SGCZ: variants seen among roughly 807,000 people sequenced by gnomAD.
SGCZ encodes the protein sarcoglycan zeta.
SGCZ carries 40 observed loss-of-function variants against 41.3 expected under a neutral mutation model. The observed-to-expected ratio is 0.97, with a 90% CI of 0.75 to 1.26. The LOEUF (loss-of-function observed/expected upper bound fraction) is 1.26, where lower values mean the gene tolerates loss of function less well. Ranked by LOEUF, SGCZ falls within the 50% of genes most tolerant of loss-of-function variation. SGCZ has a pLI of 0.00. For synonymous variants in SGCZ, 206 were observed against 137.5 expected (o/e 1.50, Z -3.49); for missense variants, 552 against 369.8 (o/e 1.49, Z -4.04).
At chr8:14,490,222 G>A (rs1006708811) in intron 2 of SGCZ, among the ~76,000 whole-genome samples, 4 of 152,018 alleles carry the variant, frequency 2.6e-5, no homozygotes, top group Non-Finnish European at 5.9e-5. Flanking sequence ...TACAATAATT[G>A]TATAAGATAA....
At chr8:14,523,400 C>G (rs1007324721) in intron 2 of SGCZ, among the ~76,000 whole-genome samples, 1 of 152,006 alleles carries the variant, frequency 6.6e-6, no homozygotes, top group South Asian at 2.1e-4. Context: ...TCTTAAATTT[C>G]TCTACATTCT....
At chr8:15,004,150 G>A (rs373947903) in intron 1 of SGCZ, among the ~76,000 whole-genome samples, 25 of 152,090 alleles carry the variant, frequency 1.6e-4, no homozygotes, top group African/African-American at 4.8e-4. Flanking sequence ...TGCAGTTAAC[G>A]TGCCAGAATG....
At chr8:14,747,827 C>T (rs1474415420) in intron 1 of SGCZ, among the ~76,000 whole-genome samples, 1 of 150,780 alleles carries the variant, frequency 6.6e-6, no homozygotes, top group Admixed American at 6.6e-5. Flanking sequence ...ATTCTCCTGC[C>T]TCAGTCTCCT....
At chr8:14,140,239 G>A (rs2116922893) in intron 5 of SGCZ, among the ~76,000 whole-genome samples, 1 of 152,270 alleles carries the variant, frequency 6.6e-6, no homozygotes, top group Non-Finnish European at 1.5e-5. Context: ...AAAACTGGAA[G>A]CATTCCCTTT....
intron 2 of SGCZ, among the ~76,000 whole-genome samples, chr8:14,397,694 G>A (rs553275301): frequency 2.2e-4 from 33 of 152,202 alleles, no homozygotes; most frequent in South Asian, 1.9e-3. Flanking sequence ...GATTCAATAT[G>A]AAGGGCAGGT....
intron 2 of SGCZ, among the ~76,000 whole-genome samples, chr8:14,423,568 C>T (rs1452189466): frequency 1.3e-5 from 2 of 152,116 alleles, no homozygotes; most frequent in Non-Finnish European, 2.9e-5. Context: ...AGGCATACAC[C>T]ACCATACCTG....
intron 2 of SGCZ, among the ~76,000 whole-genome samples, chr8:14,328,945 C>G (rs1207212880): frequency 6.6e-6 from 1 of 152,212 alleles, no homozygotes; most frequent in Non-Finnish European, 1.5e-5. Flanking sequence ...CTCTGGAGGA[C>G]ACAGCAACAC....
intron 1 of SGCZ, among the ~76,000 whole-genome samples, chr8:15,018,551 A>T (rs1803129478): frequency 1.3e-5 from 2 of 152,134 alleles, no homozygotes; most frequent in African/African-American, 4.8e-5. Context: ...CAGAGGGAAG[A>T]GCTGGTGCAA....
At chr8:15,210,452 C>T (rs555821458) in intron 1 of SGCZ, among the ~76,000 whole-genome samples, 1 of 151,028 alleles carries the variant, frequency 6.6e-6, no homozygotes, top group East Asian at 2.0e-4. Flanking sequence ...TATAACCCTA[C>T]TCCATAACAA....
At chr8:14,331,747 A>C (rs1214124557) in intron 2 of SGCZ, among the ~76,000 whole-genome samples, 1 of 151,978 alleles carries the variant, frequency 6.6e-6, no homozygotes, top group African/African-American at 2.4e-5. Context: ...TTATAAAAGA[A>C]AGTTTTTAAT....
intron 1 of SGCZ, among the ~76,000 whole-genome samples, chr8:14,882,274 G>A (rs1475981618): frequency 1.3e-5 from 2 of 152,060 alleles, no homozygotes; most frequent in African/African-American, 4.8e-5. Context: ...TTCCTTGAGG[G>A]AACCTTTGGG....
chr8:14,244,959 G>T (rs548634138), intron 3 of SGCZ, among the ~76,000 whole-genome samples: 1 of 152,110 alleles, frequency 6.6e-6, no homozygotes, highest in Admixed American at 6.5e-5. Context: ...CTGAGACTTT[G>T]CTGAAGTTGC....
At chr8:14,103,920 A>G (rs925812586) in intron 6 of SGCZ, among the ~76,000 whole-genome samples, 3 of 152,104 alleles carry the variant, frequency 2.0e-5, no homozygotes, top group African/African-American at 7.2e-5. Flanking sequence ...GTTAAAATGT[A>G]TTTTTTATCA....
chr8:14,557,804 T>C (rs1213751377), intron 1 of SGCZ, among the ~76,000 whole-genome samples: 1 of 151,270 alleles, frequency 6.6e-6, no homozygotes, highest in Non-Finnish European at 1.5e-5. Flanking sequence ...AGAAAGAAAA[T>C]AACCAAGATC....
chr8:14,807,660 G>A (rs1801587707), intron 1 of SGCZ, among the ~76,000 whole-genome samples: 1 of 151,642 alleles, frequency 6.6e-6, no homozygotes, highest in Admixed American at 6.6e-5. Context: ...ACTGCCCAAG[G>A]TAATTTACAG....
At chr8:14,660,865 G>A (rs1807725466) in intron 1 of SGCZ, among the ~76,000 whole-genome samples, 2 of 152,048 alleles carry the variant, frequency 1.3e-5, no homozygotes, top group African/African-American at 4.8e-5. Context: ...GTTCTAACTG[G>A]AAACTGAACT....
intron 1 of SGCZ, among the ~76,000 whole-genome samples, chr8:15,032,521 C>G (rs771517729): frequency 1.3e-5 from 2 of 152,104 alleles, no homozygotes; most frequent in Admixed American, 6.5e-5. Flanking sequence ...GACTTATGGA[C>G]TGAGCCCCCA....
chr8:14,140,138 C>T (rs1381932077), intron 5 of SGCZ, among the ~76,000 whole-genome samples: 1 of 152,174 alleles, frequency 6.6e-6, no homozygotes, highest in Non-Finnish European at 1.5e-5. Flanking sequence ...ATGCTAAAAA[C>T]TGTCAATAAA....
intron 2 of SGCZ, among the ~76,000 whole-genome samples, chr8:14,338,551 C>A (rs865948959): frequency 6.6e-6 from 1 of 152,114 alleles, no homozygotes; most frequent in Non-Finnish European, 1.5e-5. Flanking sequence ...TCTCTCTGCT[C>A]CATCCTGCTC....
Sources: gnomAD v4.1 joint callset for allele counts (sites outside exome capture counted in the v4.1 genomes callset) on GRCh38, gnomAD v4.1.1 for gene constraint, MANE v1.5 for transcripts, NCBI Gene and HGNC (gene_info 2026-07-23, HGNC 2026-07-21) for gene names.